The following HEMK2 variants were observed in gnomAD, a reference collection of about 807,000 sequenced individuals.
The protein encoded by HEMK2 is methyltransferase HEMK2.
the HEMK2 span, among the ~76,000 whole-genome samples, chr21:28,708,974 G>A: frequency 6.6e-6 from 1 of 152,200 alleles, no homozygotes; most frequent in African/African-American, 2.4e-5. Flanking sequence ...TATCCTGGAG[G>A]CTGGAAGTCA....
chr21:28,658,665 A>T, the HEMK2 span, among the ~76,000 whole-genome samples: 4 of 152,086 alleles, frequency 2.6e-5, no homozygotes, highest in African/African-American at 9.7e-5. Context: ...TACCAATCTC[A>T]TATGAGCTAT....
chr21:28,851,868 C>T, the HEMK2 span, among the ~76,000 whole-genome samples: 1 of 152,190 alleles, frequency 6.6e-6, no homozygotes, highest in Non-Finnish European at 1.5e-5. Flanking sequence ...AGGGAAATTG[C>T]TTCTGGTTGG....
chr21:28,797,657 T>A, the HEMK2 span, among the ~76,000 whole-genome samples: 1 of 151,780 alleles, frequency 6.6e-6, no homozygotes, highest in Non-Finnish European at 1.5e-5. Flanking sequence ...AAGAATCCAA[T>A]TCTCAGTATT....
the HEMK2 span, among the ~76,000 whole-genome samples, chr21:28,716,788 C>G: frequency 6.6e-6 from 1 of 152,052 alleles, no homozygotes; most frequent in African/African-American, 2.4e-5. Context: ...TTCCTTCATG[C>G]CTAATTCTTG....
chr21:28,587,560 T>A, the HEMK2 span, among the ~76,000 whole-genome samples: 1 of 152,232 alleles, frequency 6.6e-6, no homozygotes, highest in African/African-American at 2.4e-5. Context: ...TGGCATAGGT[T>A]ATTTGTTCTT....
chr21:28,881,604 G>A, the HEMK2 span, among the ~76,000 whole-genome samples: 1 of 150,556 alleles, frequency 6.6e-6, no homozygotes, highest in South Asian at 2.1e-4. Context: ...GTTCCTGGAA[G>A]TAGCTGTGCT....
At chr21:28,663,940 T>A in the HEMK2 span, among the ~76,000 whole-genome samples, 1 of 152,164 alleles carries the variant, frequency 6.6e-6, no homozygotes, top group Non-Finnish European at 1.5e-5. Flanking sequence ...TGAAGGCAAA[T>A]TGAAATAGAC....
chr21:28,792,294 G>A, the HEMK2 span, among the ~76,000 whole-genome samples: 1 of 152,112 alleles, frequency 6.6e-6, no homozygotes, highest in Non-Finnish European at 1.5e-5. Context: ...TGCCTATGGA[G>A]TAGCCTATCT....
chr21:28,665,990 G>A, the HEMK2 span, among the ~76,000 whole-genome samples: 1 of 151,776 alleles, frequency 6.6e-6, no homozygotes, highest in South Asian at 2.1e-4. Flanking sequence ...TAAATCTGAG[G>A]GACATCAATT....
the HEMK2 span, among the ~76,000 whole-genome samples, chr21:28,631,525 T>A: frequency 6.6e-6 from 1 of 152,072 alleles, no homozygotes; most frequent in African/African-American, 2.4e-5. Context: ...GACAAAATTA[T>A]AACTAGCATA....
At chr21:28,635,133 G>A in the HEMK2 span, among the ~76,000 whole-genome samples, 17 of 140,932 alleles carry the variant, frequency 1.2e-4, no homozygotes, top group East Asian at 1.4e-3. Flanking sequence ...ATGGAGTTTC[G>A]CTCTTTCTCC....
At chr21:28,716,071 T>C in the HEMK2 span, among the ~76,000 whole-genome samples, 10 of 152,170 alleles carry the variant, frequency 6.6e-5, no homozygotes, top group Admixed American at 1.3e-4. Flanking sequence ...AAATTGAGTA[T>C]TGTGATGCTT....
At chr21:28,616,983 T>C in the HEMK2 span, among the ~76,000 whole-genome samples, 4 of 152,222 alleles carry the variant, frequency 2.6e-5, no homozygotes, top group Non-Finnish European at 5.9e-5. Context: ...AGTCTTGCTA[T>C]GATAGAGCTT....
chr21:28,749,271 T>C, the HEMK2 span, among the ~76,000 whole-genome samples: 2 of 152,238 alleles, frequency 1.3e-5, no homozygotes, highest in Non-Finnish European at 2.9e-5. Context: ...TATATGTCTT[T>C]ATAATCCTAA....
chr21:28,657,310 T>C, the HEMK2 span, among the ~76,000 whole-genome samples: 12 of 152,024 alleles, frequency 7.9e-5, no homozygotes, highest in Non-Finnish European at 1.8e-4. Flanking sequence ...AACTGAATTA[T>C]ATACAAGTTA....
the HEMK2 span, chr21:28,879,806 T>G: frequency 8.0e-7 from 1 of 1,243,398 alleles, no homozygotes; most frequent in Non-Finnish European, 1.1e-6. Flanking sequence ...AGGATGACAT[T>G]CATTTGATTT....
At chr21:28,589,683 G>C in the HEMK2 span, among the ~76,000 whole-genome samples, 2 of 152,056 alleles carry the variant, frequency 1.3e-5, no homozygotes, top group Non-Finnish European at 2.9e-5. Context: ...TACTAGATTT[G>C]AGTTGGAAAA....
At chr21:28,756,628 C>T in the HEMK2 span, among the ~76,000 whole-genome samples, 1 of 152,180 alleles carries the variant, frequency 6.6e-6, no homozygotes, top group Non-Finnish European at 1.5e-5. Flanking sequence ...GTGCCTTTTG[C>T]CAGAGAGTTT....
chr21:28,730,311 G>A, the HEMK2 span, among the ~76,000 whole-genome samples: 1 of 151,766 alleles, frequency 6.6e-6, no homozygotes, highest in Non-Finnish European at 1.5e-5. Flanking sequence ...AGCCTGGGAG[G>A]TCAAGGCTGC....
Sources: gnomAD v4.1 joint callset for allele counts (sites outside exome capture counted in the v4.1 genomes callset) on GRCh38, gnomAD v4.1.1 for gene constraint, MANE v1.5 for transcripts, NCBI Gene and HGNC (gene_info 2026-07-23, HGNC 2026-07-21) for gene names.